The following FGF10 variants were observed in gnomAD, a reference collection of about 807,000 sequenced individuals.
The protein encoded by FGF10 is fibroblast growth factor 10, also known as FGF-10.
In FGF10, 2 loss-of-function variants were observed where a neutral mutation model predicts 19.8. The observed-to-expected ratio is 0.10, with a 90% confidence interval of 0.04 to 0.32. The LOEUF (loss-of-function observed/expected upper bound fraction) is 0.32. Among genes scored for constraint, FGF10 ranks in the 10% least tolerant of loss-of-function variants. FGF10 has a pLI of 1.00. For synonymous variants in FGF10, 112 were observed against 94.0 expected (o/e 1.19, Z -1.10); for missense variants, 191 against 246.3 (o/e 0.78, Z 1.50).
Position 44,301,109 on chromosome 5 carries a change from A to T in FGF10, c.*3886T>A, listed in dbSNP as rs1739956656. On this transcript the variant is annotated 3_prime_UTR_variant, in exon 3 of 3. Coordinates refer to ENST00000264664, the MANE Select transcript of FGF10 (RefSeq NM_004465.2). ...TTTCTCCTGAGCATCCTTCAAAGATATTCCTCTTCCTTTTTATTTTTTTTT... is the reference window on the plus strand; with the variant it reads ...TTTCTCCTGAGCATCCTTCAAAGATTTTCCTCTTCCTTTTTATTTTTTTTT... Among the ~76,000 whole-genome samples, 1 of 152,008 alleles carries T rather than the reference A, an allele frequency of 6.6e-6. No homozygotes were observed. Among genetic ancestry groups the T allele is most frequent in the Admixed American group, 6.6e-5 (1 of 15,254 alleles).
intron 1 of FGF10, among the ~76,000 whole-genome samples, chr5:44,327,081 C>T (rs1467104114): frequency 6.6e-6 from 1 of 152,144 alleles, no homozygotes; most frequent in Admixed American, 6.6e-5. Context: ...ACCCACTGCC[C>T]CAAGTTTTCT....
chr5:44,313,774 T>G (rs1288690440), intron 1 of FGF10, among the ~76,000 whole-genome samples: 1 of 152,120 alleles, frequency 6.6e-6, no homozygotes, highest in Non-Finnish European at 1.5e-5. Flanking sequence ...AAAACATGAA[T>G]AGCCCAGGTA....
At chr5:44,355,590 A>T (rs1476176323) in intron 1 of FGF10, among the ~76,000 whole-genome samples, 1 of 151,378 alleles carries the variant, frequency 6.6e-6, no homozygotes, top group Non-Finnish European at 1.5e-5. Flanking sequence ...ATAGTGCAAA[A>T]CAAAGGAAGA....
chr5:44,346,348 A>C (rs1433408178), intron 1 of FGF10, among the ~76,000 whole-genome samples: 1 of 151,926 alleles, frequency 6.6e-6, no homozygotes, highest in Admixed American at 6.6e-5. Flanking sequence ...AATTAAAAAA[A>C]ACAAATATAA....
intron 1 of FGF10, among the ~76,000 whole-genome samples, chr5:44,365,021 T>C (rs1399935961): frequency 6.6e-6 from 1 of 151,936 alleles, no homozygotes; most frequent in Non-Finnish European, 1.5e-5. Flanking sequence ...AGCCAAACAC[T>C]AGAATTGGAA....
At chr5:44,344,683 G>C (rs1741047629) in intron 1 of FGF10, among the ~76,000 whole-genome samples, 1 of 150,334 alleles carries the variant, frequency 6.7e-6, no homozygotes, top group Non-Finnish European at 1.5e-5. Flanking sequence ...GAGAGTACAA[G>C]TTTTCCTTCA....
At chr5:44,326,399 T>C (rs1042787991) in intron 1 of FGF10, among the ~76,000 whole-genome samples, 16 of 152,050 alleles carry the variant, frequency 1.1e-4, no homozygotes, top group African/African-American at 3.9e-4. Context: ...GCCCTTAGTT[T>C]ATTACGTATT....
intron 1 of FGF10, among the ~76,000 whole-genome samples, chr5:44,333,589 C>T (rs913344727): frequency 1.3e-5 from 2 of 152,222 alleles, no homozygotes; most frequent in East Asian, 3.9e-4. Context: ...CCATTATATA[C>T]ATAAGGAAGC....
chr5:44,380,728 C>A (rs1741966282), intron 1 of FGF10, among the ~76,000 whole-genome samples: 1 of 152,142 alleles, frequency 6.6e-6, no homozygotes, highest in Admixed American at 6.5e-5. Context: ...CACCCGTAAT[C>A]CCAGCCCTTT....
In FGF10 at chr5:44,316,368, A is replaced by G. The variant is rs530640695; in HGVS notation, c.326-5838T>C. Among the ~76,000 whole-genome samples, 85 of 152,284 alleles carry G rather than the reference A, an allele frequency of 5.6e-4. No individual in the cohort carries two copies. The South Asian group carries it at 5.6e-3, about 10-fold the overall frequency. On this transcript the variant is annotated intron_variant, in intron 1 of 2. Transcript: ENST00000264664. ...TAAATATATATTTACTGTGTGCTCA[A>G]TCAGAATAGTGGCAAGTTAACCAAC...
At chr5:44,339,197 A>G (rs1740916134) in intron 1 of FGF10, among the ~76,000 whole-genome samples, 1 of 152,172 alleles carries the variant, frequency 6.6e-6, no homozygotes, top group African/African-American at 2.4e-5. Context: ...TTATTTAATT[A>G]TTTTTATTTG....
chr5:44,327,615 G>A (rs1740643896), intron 1 of FGF10, among the ~76,000 whole-genome samples: 1 of 152,168 alleles, frequency 6.6e-6, no homozygotes, highest in Non-Finnish European at 1.5e-5. Context: ...AAATCCTGAT[G>A]AGTGTTTTCA....
intron 1 of FGF10, among the ~76,000 whole-genome samples, chr5:44,369,660 A>G (rs1207345302): frequency 6.6e-6 from 1 of 152,136 alleles, no homozygotes; most frequent in Non-Finnish European, 1.5e-5. Flanking sequence ...ACACGCACTC[A>G]GACACTTACA....
intron 1 of FGF10, among the ~76,000 whole-genome samples, chr5:44,377,372 T>A (rs986378402): frequency 6.6e-6 from 1 of 152,208 alleles, no homozygotes; most frequent in African/African-American, 2.4e-5. Context: ...GTCACAGTAA[T>A]AGGATGAGAA....
intron 1 of FGF10, among the ~76,000 whole-genome samples, chr5:44,337,291 C>G (rs1335982125): frequency 1.3e-5 from 2 of 152,038 alleles, no homozygotes; most frequent in African/African-American, 4.8e-5. Context: ...ATTCCACAGT[C>G]TATTATAGAA....
rs869035955 is a variant in FGF10 at position 44,349,422 on chromosome 5, T to TTA, written c.326-38894_326-38893dup. Among the ~76,000 whole-genome samples, 75 of 41,410 alleles carry TTA rather than the reference T, an allele frequency of 1.8e-3. 1 individual carries two copies. The highest frequency in any genetic ancestry group is 0.022 in the Middle Eastern group (1 of 46). The allele number at this position is 41,410 out of a possible 152,430, so 27.2% of individuals were successfully genotyped here. ...CTAAGAAAATGGGAAAGCATTTTCT[T>TTA]TATATATATATATATATATATATAT... On this transcript the variant is annotated intron_variant, in intron 1 of 2. Coordinates refer to ENST00000264664, the MANE Select transcript of FGF10 (RefSeq NM_004465.2).
At chr5:44,355,408 G>T (rs1006450324) in intron 1 of FGF10, among the ~76,000 whole-genome samples, 9 of 151,302 alleles carry the variant, frequency 5.9e-5, no homozygotes, top group African/African-American at 2.2e-4. Context: ...ATAAGGATCT[G>T]ATATGAAAAG....
In FGF10 at chr5:44,339,131, A is replaced by T. The variant is rs567696701; in HGVS notation, c.326-28601T>A. Reference sequence around the variant, plus strand: ...GGTATTTTATGAAAATTTCCAAAATATCTAATCTGTCTTTAAATAGAGACT... The same window carrying T: ...GGTATTTTATGAAAATTTCCAAAATTTCTAATCTGTCTTTAAATAGAGACT... On this transcript the variant is annotated intron_variant, in intron 1 of 2. Coordinates refer to ENST00000264664, the MANE Select transcript of FGF10 (RefSeq NM_004465.2). 2.0e-5 allele frequency among the ~76,000 whole-genome samples: 3 copies of T among 152,312 alleles called. No homozygotes were observed. In the South Asian group the frequency reaches 6.2e-4, roughly 32 times the overall value.
intron 1 of FGF10, among the ~76,000 whole-genome samples, chr5:44,338,934 G>A (rs571053959): frequency 6.6e-6 from 1 of 152,116 alleles, no homozygotes; most frequent in African/African-American, 2.4e-5. Context: ...ATGAATTTAA[G>A]GCATGTTAGG....
Sources: gnomAD v4.1 joint callset for allele counts (sites outside exome capture counted in the v4.1 genomes callset) on GRCh38, gnomAD v4.1.1 for gene constraint, MANE v1.5 for transcripts, NCBI Gene and HGNC (gene_info 2026-07-23, HGNC 2026-07-21) for gene names.